Variants in KCNIP4 observed in about 807,000 individuals in gnomAD.
KCNIP4 encodes potassium voltage-gated channel interacting protein 4, also known as Kv channel-interacting protein 4.
Under a neutral mutation model 34.0 loss-of-function variants are expected in KCNIP4, and 12 were observed. The ratio of observed to expected loss-of-function variants is 0.35; its 90% CI spans 0.23 to 0.57. The LOEUF (loss-of-function observed/expected upper bound fraction) is 0.57, where lower values mean the gene tolerates loss of function less well. KCNIP4 is among the 20% of genes least tolerant of loss of function. KCNIP4 has a pLI of 0.83. For synonymous variants in KCNIP4, 124 were observed against 102.2 expected (o/e 1.21, Z -1.29); for missense variants, 238 against 311.7 (o/e 0.76, Z 1.78).
At chr4:20,971,782 G>C (rs1734976294) in intron 1 of KCNIP4, among the ~76,000 whole-genome samples, 1 of 152,154 alleles carries the variant, frequency 6.6e-6, no homozygotes, top group South Asian at 2.1e-4. Context: ...CTCATTGATT[G>C]AACTCTTCCT....
intron 1 of KCNIP4, among the ~76,000 whole-genome samples, chr4:21,265,185 A>AG (rs1255809866): frequency 2.0e-5 from 3 of 152,190 alleles, no homozygotes; most frequent in African/African-American, 7.2e-5. Flanking sequence ...AAGAAGTGAG[A>AG]GGAAAAAAAA....
intron 1 of KCNIP4, among the ~76,000 whole-genome samples, chr4:21,510,319 A>G (rs1262229401): frequency 6.6e-6 from 1 of 152,172 alleles, no homozygotes; most frequent in African/African-American, 2.4e-5. Flanking sequence ...CACTTCAAAG[A>G]TAAGCAAATA....
intron 1 of KCNIP4, among the ~76,000 whole-genome samples, chr4:21,471,913 C>G (rs531726870): frequency 2.0e-4 from 31 of 152,192 alleles, no homozygotes; most frequent in African/African-American, 7.2e-4. Flanking sequence ...TAATCGATTT[C>G]TAAATAAAAA....
At chr4:20,924,188 A>T (rs1417719172) in intron 1 of KCNIP4, among the ~76,000 whole-genome samples, 1 of 152,186 alleles carries the variant, frequency 6.6e-6, no homozygotes, top group Admixed American at 6.5e-5. Context: ...CTTGGAGCCA[A>T]ATTACTTTGA....
At chr4:20,950,249 C>A (rs1197395921) in intron 1 of KCNIP4, among the ~76,000 whole-genome samples, 1 of 151,936 alleles carries the variant, frequency 6.6e-6, no homozygotes, top group Non-Finnish European at 1.5e-5. Context: ...ACATGTCTTC[C>A]TTACCAGGAA....
intron 1 of KCNIP4, among the ~76,000 whole-genome samples, chr4:21,027,331 C>T (rs186510845): frequency 3.9e-5 from 6 of 151,922 alleles, no homozygotes; most frequent in African/African-American, 1.5e-4. Context: ...AGAAGCTGTG[C>T]GGCCCGTGAA....
In KCNIP4 at chr4:20,837,684, A is replaced by ATTT. The variant is rs773131443; in HGVS notation, c.288+12858_288+12859insAAA. ...GTGCTATATATATATATATATATAT[A>ATTT]TATTTTTTTTTCCTTGGAGATGGAG... is the stretch of plus-strand genomic sequence containing the variant. On this transcript the variant is annotated intron_variant, in intron 3 of 8. Transcript: ENST00000382152. Among the ~76,000 whole-genome samples the ATTT allele has an allele frequency of 0.017, 1,735 of 102,414 alleles. 67 individuals carry two copies. The East Asian group carries it at 0.2, about 12-fold the overall frequency. 67.2% of individuals were successfully genotyped at this position (102,414 alleles called of 152,430 possible). A position where few individuals can be genotyped will look rare whatever the true frequency, so the allele number is the denominator to read the frequency against.
intron 1 of KCNIP4, among the ~76,000 whole-genome samples, chr4:20,906,579 A>C (rs1727794765): frequency 6.6e-6 from 1 of 152,156 alleles, no homozygotes; most frequent in South Asian, 2.1e-4. Flanking sequence ...GATAAAGTCC[A>C]AATTCCTTTG....
intron 1 of KCNIP4, among the ~76,000 whole-genome samples, chr4:21,861,825 G>A (rs183288554): frequency 1.3e-5 from 2 of 152,014 alleles, no homozygotes; most frequent in African/African-American, 2.4e-5. Context: ...CCCAGCAAAC[G>A]CGGGTCAGGT....
intron 1 of KCNIP4, among the ~76,000 whole-genome samples, chr4:21,450,436 T>C (rs114131864): frequency 0.053 from 8,132 of 152,256 alleles, 288 homozygotes; most frequent in South Asian, 0.085. Flanking sequence ...GCACAATCAA[T>C]ATTAAAGACA....
At chr4:21,386,774 A>G (rs1364672892) in intron 1 of KCNIP4, among the ~76,000 whole-genome samples, 2 of 152,142 alleles carry the variant, frequency 1.3e-5, no homozygotes, top group African/African-American at 2.4e-5. Flanking sequence ...TGGACACTCT[A>G]TAGATCTTTG....
chr4:21,393,361 A>G (rs752159743), intron 1 of KCNIP4, among the ~76,000 whole-genome samples: 3 of 152,124 alleles, frequency 2.0e-5, no homozygotes, highest in African/African-American at 4.8e-5. Flanking sequence ...TAAGATGTGT[A>G]ACAAAGTTCA....
chr4:21,810,367 A>C (rs1229776712), intron 1 of KCNIP4, among the ~76,000 whole-genome samples: 1 of 151,876 alleles, frequency 6.6e-6, no homozygotes, highest in South Asian at 2.1e-4. Flanking sequence ...CAACCCTCCC[A>C]CCTTCTTTTT....
At chr4:20,915,686 A>ATGTGTG (rs1218637137) in intron 1 of KCNIP4, among the ~76,000 whole-genome samples, 3 of 152,186 alleles carry the variant, frequency 2.0e-5, no homozygotes, top group Admixed American at 1.3e-4. Context: ...ATATGTATAT[A>ATGTGTG]TATAGGTATA....
chr4:21,542,670 G>C (rs939610409), intron 1 of KCNIP4, among the ~76,000 whole-genome samples: 1 of 150,610 alleles, frequency 6.6e-6, no homozygotes, highest in Non-Finnish European at 1.5e-5. Context: ...GCATGAAGAA[G>C]AAAGTTGTAA....
At chr4:21,429,333 A>G (rs573642487) in intron 1 of KCNIP4, among the ~76,000 whole-genome samples, 1 of 151,680 alleles carries the variant, frequency 6.6e-6, no homozygotes, top group African/African-American at 2.4e-5. Context: ...ATTTTTTTTT[A>G]GCACTGAATA....
chr4:21,202,451 C>G (rs547426278), intron 1 of KCNIP4, among the ~76,000 whole-genome samples: 1 of 152,110 alleles, frequency 6.6e-6, no homozygotes. Flanking sequence ...TGGAGCAGGA[C>G]GGGAGTTGAA....
intron 2 of KCNIP4, among the ~76,000 whole-genome samples, chr4:20,870,052 TTGAGA>T (rs780166348): frequency 9.2e-5 from 14 of 152,072 alleles, no homozygotes; most frequent in Non-Finnish European, 1.9e-4. Context: ...AAAATGTTCT[TTGAGA>T]TAAGTATGAT....
chr4:21,808,592 G>GGAGTCAAAA (rs1444604367), intron 1 of KCNIP4, among the ~76,000 whole-genome samples: 1 of 152,050 alleles, frequency 6.6e-6, no homozygotes, highest in Non-Finnish European at 1.5e-5. Flanking sequence ...GTTTTGAGGG[G>GGAGTCAAAA]GAGTCAAAAC....
Sources: allele counts gnomAD v4.1 joint callset (sites outside exome capture counted in the v4.1 genomes callset), GRCh38; gene constraint gnomAD v4.1.1; transcripts MANE v1.5; gene names NCBI Gene and HGNC (gene_info 2026-07-23, HGNC 2026-07-21).